TMPRSS15: variants seen among roughly 807,000 people sequenced by gnomAD.
TMPRSS15 encodes the protein transmembrane serine protease 15, also known as enteropeptidase.
TMPRSS15 carries 128 observed loss-of-function variants against 125.3 expected under a neutral mutation model. That is an observed-to-expected ratio of 1.02 (90% confidence interval 0.89 to 1.18). The LOEUF is 1.18. Ranked by LOEUF, TMPRSS15 falls within the 50% of genes most tolerant of loss-of-function variation. The pLI, the probability that TMPRSS15 is intolerant of heterozygous loss-of-function variation, is 0.00. For missense variants in TMPRSS15, 1,283 were observed against 1,212.7 expected (o/e 1.06, Z -0.86); for synonymous variants, 446 against 423.2 (o/e 1.05, Z -0.66).
intron 13 of TMPRSS15, among the ~76,000 whole-genome samples, chr21:18,333,306 C>G (rs2075362494): frequency 6.6e-6 from 1 of 152,126 alleles, no homozygotes; most frequent in African/African-American, 2.4e-5. Context: ...CTTTAGCATT[C>G]TTATGGCCTT....
intron 1 of TMPRSS15, among the ~76,000 whole-genome samples, chr21:18,479,728 T>C (rs1978945568): frequency 1.3e-5 from 2 of 151,932 alleles, no homozygotes; most frequent in Admixed American, 6.6e-5. Context: ...CATTAAAAAG[T>C]CAGGAAACAA....
At chr21:18,322,473 C>G (rs549498475) in intron 16 of TMPRSS15, among the ~76,000 whole-genome samples, 1 of 151,916 alleles carries the variant, frequency 6.6e-6, no homozygotes, top group Admixed American at 6.6e-5. Context: ...ATGCAGTCAA[C>G]GTAAGAGTCC....
chr21:18,290,207 G>C (rs2074817050), intron 21 of TMPRSS15, among the ~76,000 whole-genome samples: 1 of 152,120 alleles, frequency 6.6e-6, no homozygotes, highest in Non-Finnish European at 1.5e-5. Context: ...ATTGGAGTTG[G>C]AGTCATTGTT....
chr21:18,350,360 C>A (rs1451573567), intron 10 of TMPRSS15, among the ~76,000 whole-genome samples: 1 of 152,132 alleles, frequency 6.6e-6, no homozygotes, highest in Non-Finnish European at 1.5e-5. Context: ...ACACTGGTGA[C>A]TCATTTAGCT....
At chr21:18,315,349 G>C (rs1384881706) in intron 16 of TMPRSS15, 93 bp from the exon 17 acceptor site, 8 of 1,053,700 alleles carry the variant, frequency 7.6e-6, no homozygotes, top group Non-Finnish European at 1.1e-5. Context: ...TTAAACATGA[G>C]TCCTTTGCCA....
At chr21:18,452,122 C>G (rs1397652843) in intron 1 of TMPRSS15, among the ~76,000 whole-genome samples, 2 of 152,016 alleles carry the variant, frequency 1.3e-5, no homozygotes, top group Non-Finnish European at 2.9e-5. Context: ...GAGATATTAG[C>G]TAGTGGCAGG....
intron 18 of TMPRSS15, among the ~76,000 whole-genome samples, chr21:18,311,019 A>T (rs2075096194): frequency 6.6e-6 from 1 of 151,922 alleles, no homozygotes; most frequent in African/African-American, 2.4e-5. Flanking sequence ...GATGCTGGGA[A>T]AACTGGATAA....
intron 10 of TMPRSS15, among the ~76,000 whole-genome samples, chr21:18,347,636 G>A (rs1452801038): frequency 6.6e-6 from 1 of 151,956 alleles, no homozygotes; most frequent in Non-Finnish European, 1.5e-5. Context: ...ATATGAATTA[G>A]CTGTCTGTTG....
At position 18,472,455 on chromosome 21, in the gene TMPRSS15, T is replaced by TTATATATA. The variant is rs34604020; in HGVS notation, c.10+13336_10+13343dup. On this transcript the variant is annotated intron_variant, in intron 1 of 7. Coordinates refer to the TMPRSS15 transcript ENST00000422787. ...GGGTGCAAATTTAAAGCTAAAAGAA[T>TTATATATA]TATATATATATATATATATATATAT... is the stretch of plus-strand genomic sequence containing the variant. Among the ~76,000 whole-genome samples the TTATATATA allele has an allele frequency of 1.5e-3, 208 of 143,166 alleles. 2 individuals carry two copies. The highest frequency in any genetic ancestry group is 3.7e-3 in the African/African-American group (142 of 37,924). The allele number at this position is 143,166 out of a possible 152,430, so 93.9% of individuals were successfully genotyped here.
At chr21:18,407,908 G>T (rs973760771), upstream of TMPRSS15, among the ~76,000 whole-genome samples, 16 of 152,130 alleles carry the variant, frequency 1.1e-4, no homozygotes, top group African/African-American at 3.6e-4. Flanking sequence ...CTAACTTAAA[G>T]AAAATTTCAG....
intron 5 of TMPRSS15, among the ~76,000 whole-genome samples, chr21:18,375,907 G>A (rs74525913): frequency 0.023 from 3,460 of 152,156 alleles, 49 homozygotes; most frequent in Non-Finnish European, 0.031. Flanking sequence ...ATTATTTTTC[G>A]CCTTCCAAAT....
At position 18,389,639 on chromosome 21, in the gene TMPRSS15, CA is replaced by C. The variant is rs535872747; in HGVS notation, c.345-5862del. Among the ~76,000 whole-genome samples, 206 of 152,210 alleles carry C rather than the reference CA, an allele frequency of 1.4e-3. 2 individuals are homozygous for C. Among genetic ancestry groups the C allele is most frequent in the African/African-American group, 4.7e-3 (197 of 41,562 alleles). Reference sequence around the variant, plus strand: ...AGGCCTATATATAAAAGTCTATGTTCATCAGGTTTTGTTCCAACAGGAGATG... The same window carrying C: ...AGGCCTATATATAAAAGTCTATGTTCTCAGGTTTTGTTCCAACAGGAGATG... On this transcript the variant is annotated intron_variant, in intron 3 of 24. Coordinates refer to ENST00000284885, the MANE Select transcript of TMPRSS15 (RefSeq NM_002772.3).
intron 1 of TMPRSS15, among the ~76,000 whole-genome samples, chr21:18,400,555 C>T (rs980510469): frequency 6.6e-6 from 1 of 152,056 alleles, no homozygotes; most frequent in South Asian, 2.1e-4. Context: ...TGGATCCCTA[C>T]CTTTCACCAT....
Position 18,269,546 on chromosome 21 carries a change from T to G in TMPRSS15, c.*423A>C. 6.3e-6 allele frequency: 1 copy of G among 159,768 alleles called. No individual in the cohort carries two copies. The highest frequency in any genetic ancestry group is 1.7e-4 in the South Asian group (1 of 5,942). The allele number at this position is 159,768 out of a possible 1,614,324, so 9.9% of individuals were successfully genotyped here. On this transcript the variant is annotated 3_prime_UTR_variant, in exon 25 of 25. Transcript: ENST00000284885. ...GCAAACTAAACTGGAACTAGAAAATTTATGGCAGTTTATTTCCAACAGTGA... is the reference window on the plus strand; with the variant it reads ...GCAAACTAAACTGGAACTAGAAAATGTATGGCAGTTTATTTCCAACAGTGA...
chr21:18,409,272 A>G (rs902930228), intron 1 of TMPRSS15, among the ~76,000 whole-genome samples: 2 of 152,102 alleles, frequency 1.3e-5, no homozygotes, highest in African/African-American at 4.8e-5. Flanking sequence ...TTATGTTTTC[A>G]TACTTGAAGT....
chr21:18,466,123 C>T (rs1978655036), intron 1 of TMPRSS15, among the ~76,000 whole-genome samples: 1 of 152,180 alleles, frequency 6.6e-6, no homozygotes. Flanking sequence ...CTACAACCAT[C>T]TGATCTTTGA....
At chr21:18,326,933 A>C (rs1261555963) in intron 15 of TMPRSS15, among the ~76,000 whole-genome samples, 1 of 152,194 alleles carries the variant, frequency 6.6e-6, no homozygotes, top group Admixed American at 6.5e-5. Flanking sequence ...AGTCACCTTT[A>C]CTAAATTTTT....
chr21:18,413,412 T>C (rs1221711760), intron 1 of TMPRSS15, among the ~76,000 whole-genome samples: 2 of 147,246 alleles, frequency 1.4e-5, no homozygotes, highest in African/African-American at 5.0e-5. Context: ...TTCTTTCAGA[T>C]GCATTATGTG....
Position 18,379,287 on chromosome 21 carries a change from A to G in TMPRSS15, c.528T>C (p.Thr176=), listed in dbSNP as rs2027614. Reference sequence around the variant, plus strand: ...AATAATATTATTAAAACTGACCTGGAGTTGCCAGATGACTGGTGGTTGTTA... The same window carrying G: ...AATAATATTATTAAAACTGACCTGGGGTTGCCAGATGACTGGTGGTTGTTA... The part of the protein sequence containing the change: ...DKLTTTSHLA[T]PGNVSIECLP... Residue 176 remains threonine, a synonymous_variant, in exon 5 of 25, where the codon ACT becomes ACC. Coordinates refer to ENST00000284885, the MANE Select transcript of TMPRSS15 (RefSeq NM_002772.3). 1.8e-3 allele frequency: 2,426 copies of G among 1,329,136 alleles called. 39 individuals carry two copies. In the African/African-American group the frequency reaches 0.033, roughly 18 times the overall value. The allele number at this position is 1,329,136 out of a possible 1,614,324, so 82.3% of individuals were successfully genotyped here. A position where few individuals can be genotyped will look rare whatever the true frequency, so the allele number is the denominator to read the frequency against.
Sources: allele counts gnomAD v4.1 joint callset (sites outside exome capture counted in the v4.1 genomes callset), GRCh38; gene constraint gnomAD v4.1.1; transcripts MANE v1.5; gene names NCBI Gene and HGNC (gene_info 2026-07-23, HGNC 2026-07-21).